Variants in AKAP19 observed in about 807,000 individuals in gnomAD.
The protein encoded by AKAP19 is small A-kinase anchoring protein.
the AKAP19 span, among the ~76,000 whole-genome samples, chr2:190,008,772 C>CACACACA: frequency 8.8e-5 from 3 of 34,170 alleles, no homozygotes; most frequent in Non-Finnish European, 1.1e-4. Flanking sequence ...ACACACACAC[C>CACACACA]CACCTGGTCT....
the AKAP19 span, among the ~76,000 whole-genome samples, chr2:190,076,207 T>C: frequency 1.3e-5 from 2 of 152,002 alleles, no homozygotes; most frequent in Non-Finnish European, 1.5e-5. Flanking sequence ...ATAAACACTT[T>C]GGCATTTTGG....
the AKAP19 span, among the ~76,000 whole-genome samples, chr2:190,078,619 A>G: frequency 9.8e-5 from 15 of 152,304 alleles, no homozygotes; most frequent in Middle Eastern, 6.8e-3. Flanking sequence ...TTAAAAGATC[A>G]GTGAAATACC....
the AKAP19 span, chr2:190,062,799 T>C: frequency 1.8e-6 from 1 of 549,104 alleles, no homozygotes; most frequent in African/African-American, 1.9e-5. Context: ...GGATCTATGA[T>C]TGGCTCTTGC....
At chr2:190,056,494 A>G in the AKAP19 span, 6 of 152,568 alleles carry the variant, frequency 3.9e-5, no homozygotes, top group Non-Finnish European at 8.8e-5. Flanking sequence ...GCCTTTTAAG[A>G]TAATGCAGTT....
the AKAP19 span, among the ~76,000 whole-genome samples, chr2:189,928,146 T>C: frequency 6.6e-6 from 1 of 152,190 alleles, no homozygotes; most frequent in Non-Finnish European, 1.5e-5. Context: ...TGTTATTTTA[T>C]GAAATGTGCC....
chr2:189,941,578 G>C, the AKAP19 span, among the ~76,000 whole-genome samples: 1 of 152,120 alleles, frequency 6.6e-6, no homozygotes, highest in Non-Finnish European at 1.5e-5. Context: ...ATAACTTTGA[G>C]ATCCAAAGTA....
At chr2:190,114,299 C>A in the AKAP19 span, among the ~76,000 whole-genome samples, 1 of 152,186 alleles carries the variant, frequency 6.6e-6, no homozygotes, top group Non-Finnish European at 1.5e-5. Flanking sequence ...TCATACTTTT[C>A]ATATCTCACT....
the AKAP19 span, among the ~76,000 whole-genome samples, chr2:190,028,306 C>G: frequency 4.6e-5 from 7 of 152,006 alleles, no homozygotes; most frequent in African/African-American, 1.4e-4. Context: ...ATTTGAATCA[C>G]AAAGAAAACT....
the AKAP19 span, chr2:189,930,676 CAAA>C: frequency 0.083 from 25,601 of 309,462 alleles, 1 homozygote; most frequent in South Asian, 0.13. Flanking sequence ...AACTCCCTCT[CAAA>C]AAAAAAAAAA....
At chr2:190,025,073 A>G in the AKAP19 span, among the ~76,000 whole-genome samples, 3 of 152,140 alleles carry the variant, frequency 2.0e-5, no homozygotes, top group Admixed American at 6.5e-5. Flanking sequence ...TTCATATCAC[A>G]TTGATCACTA....
chr2:190,041,160 G>A, the AKAP19 span, among the ~76,000 whole-genome samples: 2 of 152,062 alleles, frequency 1.3e-5, no homozygotes, highest in South Asian at 2.1e-4. Flanking sequence ...ATGAGCATGG[G>A]ATTTTTTTAA....
chr2:190,041,890 A>C, the AKAP19 span, among the ~76,000 whole-genome samples: 1 of 152,094 alleles, frequency 6.6e-6, no homozygotes, highest in Non-Finnish European at 1.5e-5. Context: ...TGGATTAGCT[A>C]TTTGATGTGC....
the AKAP19 span, among the ~76,000 whole-genome samples, chr2:189,900,486 T>G: frequency 6.6e-6 from 1 of 152,224 alleles, no homozygotes; most frequent in Non-Finnish European, 1.5e-5. Flanking sequence ...AATATCCAAA[T>G]AAAATATCTC....
At chr2:190,011,675 T>C in the AKAP19 span, among the ~76,000 whole-genome samples, 26 of 152,242 alleles carry the variant, frequency 1.7e-4, no homozygotes, top group Non-Finnish European at 2.9e-5. Flanking sequence ...TGACATCATT[T>C]ATTGAAGACA....
At chr2:190,163,458 A>AC in the AKAP19 span, among the ~76,000 whole-genome samples, 109 of 150,346 alleles carry the variant, frequency 7.2e-4, no homozygotes, top group Non-Finnish European at 1.2e-3. Flanking sequence ...CAAAAAACAA[A>AC]AAAAAAAAAA....
chr2:190,058,571 A>G, the AKAP19 span, among the ~76,000 whole-genome samples: 1 of 152,008 alleles, frequency 6.6e-6, no homozygotes, highest in Non-Finnish European at 1.5e-5. Flanking sequence ...TTATCGCAGC[A>G]TAATTCACAG....
At chr2:190,199,863 G>GGGCTGCAT in the AKAP19 span, 1 of 1,613,328 alleles carries the variant, frequency 6.2e-7, no homozygotes, top group Non-Finnish European at 8.5e-7. Context: ...TTCATAACAT[G>GGGCTGCAT]GGCTGCATGA....
At chr2:189,933,291 G>A in the AKAP19 span, among the ~76,000 whole-genome samples, 3 of 152,224 alleles carry the variant, frequency 2.0e-5, no homozygotes, top group South Asian at 6.2e-4. Flanking sequence ...GAGAGTGGGG[G>A]CAGAAACAGT....
the AKAP19 span, chr2:190,199,912 G>T: frequency 1.2e-6 from 2 of 1,614,084 alleles, no homozygotes; most frequent in Non-Finnish European, 1.7e-6. Flanking sequence ...CATATATGAA[G>T]GTGAGAAGCA....
Sources: gnomAD v4.1 joint callset for allele counts (sites outside exome capture counted in the v4.1 genomes callset) on GRCh38, gnomAD v4.1.1 for gene constraint, MANE v1.5 for transcripts, NCBI Gene and HGNC (gene_info 2026-07-23, HGNC 2026-07-21) for gene names.